The following RABEP1 variants were observed in gnomAD, a reference collection of about 807,000 sequenced individuals.
RABEP1 encodes rab GTPase-binding effector protein 1.
Under a neutral mutation model 123.4 loss-of-function variants are expected in RABEP1, and 51 were observed. The ratio of observed to expected loss-of-function variants is 0.41; its 90% CI spans 0.33 to 0.52. The LOEUF is 0.52. Among genes scored for constraint, RABEP1 ranks in the 20% least tolerant of loss-of-function variants. RABEP1 has a pLI of 0.16. For synonymous variants in RABEP1, 347 were observed against 355.2 expected, an observed-to-expected ratio of 0.98 and a Z score of 0.26; for missense variants, 888 against 996.3, an observed-to-expected ratio of 0.89 and a Z score of 1.46.
chr17:5,296,820 C>T (rs1475902696), intron 1 of RABEP1, among the ~76,000 whole-genome samples: 1 of 152,198 alleles, frequency 6.6e-6, no homozygotes, highest in Admixed American at 6.5e-5. Context: ...AGTCATGGCT[C>T]ACGGTAGCCT....
chr17:5,368,402 C>T lies in RABEP1; in HGVS notation c.1818C>T (p.Ser606=), dbSNP rs570395802. The T allele has an allele frequency of 7.3e-5, 118 of 1,613,560 alleles. 1 individual carries two copies. In the South Asian group the frequency reaches 1.1e-3, roughly 14 times the overall value. Residue 606 remains serine (S), a synonymous_variant, in exon 12 of 18, where the codon TCC becomes TCT. Transcript: ENST00000537505. ...CACTCGTCCTAAGAGCCCAGGCCTC[C>T]GAGATCTTACTTGAAGAGTTACAGC... ...ISALVLRAQA[S]EILLEELQQG...
At chr17:5,340,553 T>C (rs1214324378) in intron 5 of RABEP1, among the ~76,000 whole-genome samples, 1 of 150,822 alleles carries the variant, frequency 6.6e-6, no homozygotes, top group Non-Finnish European at 1.5e-5. Flanking sequence ...GCTAAAATGA[T>C]AGTTAAAATG....
Position 5,314,607 on chromosome 17 carries a change from C to T in RABEP1, c.163+5785C>T, listed in dbSNP as rs149102728. 2.0e-3 allele frequency among the ~76,000 whole-genome samples: 307 copies of T among 151,992 alleles called. 4 individuals are homozygous for T. Among genetic ancestry groups the T allele is most frequent in the East Asian group, 3.9e-3 (20 of 5,174 alleles). On this transcript the variant is annotated intron_variant, in intron 2 of 17. Transcript: ENST00000537505. ...GATCTCGGCTCACTGCAAGCTCCGCCTCCTGGCTTCACGCCATTCTCCTCC... is the reference window on the plus strand; with the variant it reads ...GATCTCGGCTCACTGCAAGCTCCGCTTCCTGGCTTCACGCCATTCTCCTCC...
intron 1 of RABEP1, among the ~76,000 whole-genome samples, chr17:5,308,385 C>G (rs2075201650): frequency 1.3e-5 from 2 of 152,248 alleles, no homozygotes; most frequent in South Asian, 4.1e-4. Context: ...GCCACTACAC[C>G]TGGCTAATTT....
At chr17:5,298,392 T>G (rs945681138) in intron 1 of RABEP1, among the ~76,000 whole-genome samples, 1 of 152,194 alleles carries the variant, frequency 6.6e-6, no homozygotes, top group Admixed American at 6.5e-5. Context: ...TTAGGCTTTT[T>G]TCTTGTAAAT....
At chr17:5,348,114 A>G (rs1908226785) in intron 6 of RABEP1, among the ~76,000 whole-genome samples, 1 of 152,006 alleles carries the variant, frequency 6.6e-6, no homozygotes, top group Admixed American at 6.6e-5. Context: ...AGTAGCTGGG[A>G]TTACAGGCAT....
chr17:5,315,708 C>T lies in RABEP1; in HGVS notation c.163+6886C>T, dbSNP rs530439224. 2.1e-4 allele frequency among the ~76,000 whole-genome samples: 32 copies of T among 152,118 alleles called. No individual in the cohort carries two copies. The South Asian group carries it at 3.3e-3, about 16-fold the overall frequency. On this transcript the variant is annotated intron_variant, in intron 2 of 17. Coordinates refer to ENST00000537505, the MANE Select transcript of RABEP1 (RefSeq NM_004703.6). The stretch of plus-strand genomic sequence containing the variant: ...TCTACTAAAAATACAAAAAACTAGC[C>T]GAGCATGGTGGTGCACATCTGTAAT...
chr17:5,385,919 A>C lies in RABEP1; in HGVS notation c.*2696A>C. 1 of 353,284 alleles carries C rather than the reference A, an allele frequency of 2.8e-6. No individual in the cohort carries two copies. Among genetic ancestry groups the C allele is most frequent in the Non-Finnish European group, 5.1e-6 (1 of 197,970 alleles). The allele number at this position is 353,284 out of a possible 1,614,324, so 21.9% of individuals were successfully genotyped here. On this transcript the variant is annotated 3_prime_UTR_variant, in exon 18 of 18. Coordinates refer to ENST00000537505, the MANE Select transcript of RABEP1 (RefSeq NM_004703.6). ...CTCACAAGAATAACTAACTTGCTCA[A>C]ATATGGAGAAAACTCAATAGGGTTC...
At chr17:5,283,014 C>T (rs771313449) in intron 1 of RABEP1, among the ~76,000 whole-genome samples, 5 of 152,028 alleles carry the variant, frequency 3.3e-5, no homozygotes, top group African/African-American at 4.8e-5. Flanking sequence ...TAGTAGCATT[C>T]CCTGAATGGC....
chr17:5,307,194 T>A (rs567824418), intron 1 of RABEP1, among the ~76,000 whole-genome samples: 21 of 152,298 alleles, frequency 1.4e-4, no homozygotes, highest in African/African-American at 4.6e-4. Flanking sequence ...GGCACATGCC[T>A]GTAGTCCCAG....
chr17:5,325,815 TTAAC>T (rs1313503230), intron 2 of RABEP1, among the ~76,000 whole-genome samples: 1 of 151,988 alleles, frequency 6.6e-6, no homozygotes, highest in Non-Finnish European at 1.5e-5. Context: ...CACATGTACT[TTAAC>T]TATGTACATG....
intron 15 of RABEP1, 137 bp downstream of exon 15, chr17:5,378,369 A>C: frequency 1.2e-6 from 1 of 801,320 alleles, no homozygotes. Context: ...TGGGAAGAAA[A>C]CCACGGGGTA....
chr17:5,381,267 T>C, intron 16 of RABEP1, 122 bp from the exon 17 acceptor site: 1 of 1,395,922 alleles, frequency 7.2e-7, no homozygotes, highest in Non-Finnish European at 9.6e-7. Flanking sequence ...TGGTCGTGTA[T>C]AGGAGTGCGA....
Position 5,361,523 on chromosome 17 carries a change from G to C in RABEP1, c.1411G>C (p.Asp471His). The part of the protein sequence containing the change: ...QMPSGFMLTK[D>H]QERAIKAMTP... ...GCCAAGTGGGTTTATGTTAACCAAA[G>C]ATCAGGAAAGAGCAATCAAGGCGAT... is the stretch of plus-strand genomic sequence containing the variant. Residue 471 changes from aspartate to histidine, a missense_variant, in exon 9 of 18, where the codon GAT becomes CAT. By Grantham distance (81) the Asp-to-His change is moderately conservative. Transcript: ENST00000537505. The C allele has an allele frequency of 6.2e-7, 1 of 1,614,174 alleles. No homozygotes were observed. The highest frequency in any genetic ancestry group is 8.5e-7 in the Non-Finnish European group (1 of 1,180,042).
chr17:5,300,874 C>A (rs1261647316), intron 1 of RABEP1, among the ~76,000 whole-genome samples: 5 of 152,104 alleles, frequency 3.3e-5, no homozygotes, highest in Admixed American at 3.3e-4. Flanking sequence ...GAGAGAGATT[C>A]TAGATGATTC....
rs1022161391 is a variant in RABEP1, at chr17:5,362,965, C to T, written c.1617C>T (p.Tyr539=). 1.5e-5 allele frequency: 24 copies of T among 1,613,832 alleles called. No homozygotes were observed. Among genetic ancestry groups the T allele is most frequent in the Middle Eastern group, 1.6e-4 (1 of 6,084 alleles). ...LGRRCDMCSN[Y]EKQLQGIQIQ... is the part of the protein sequence containing the mutation. ...GACGTTGTGATATGTGTTCCAATTACGAAAAACAGTTACAAGGAATTCAGA... is the reference window on the plus strand; with the variant it reads ...GACGTTGTGATATGTGTTCCAATTATGAAAAACAGTTACAAGGAATTCAGA... The change falls in exon 10 of 18, where the codon TAC becomes TAT. Residue 539 remains tyrosine (Y), a synonymous_variant. Transcript: ENST00000537505.
chr17:5,312,839 G>A (rs939509360), intron 2 of RABEP1, among the ~76,000 whole-genome samples: 1 of 152,124 alleles, frequency 6.6e-6, no homozygotes, highest in African/African-American at 2.4e-5. Context: ...AGGCACGGTC[G>A]CACATGCCTG....
intron 5 of RABEP1, among the ~76,000 whole-genome samples, chr17:5,341,053 G>A (rs1003873681): frequency 6.6e-6 from 1 of 151,796 alleles, no homozygotes; most frequent in East Asian, 1.9e-4. Context: ...TCAATATAAT[G>A]AAAAAATGGA....
At chr17:5,319,881 T>A (rs548980997) in intron 2 of RABEP1, among the ~76,000 whole-genome samples, 1 of 152,272 alleles carries the variant, frequency 6.6e-6, no homozygotes, top group Non-Finnish European at 1.5e-5. Context: ...CTACAGGATG[T>A]AGAAAATTAT....
Sources: gnomAD v4.1 joint callset for allele counts (sites outside exome capture counted in the v4.1 genomes callset) on GRCh38, gnomAD v4.1.1 for gene constraint, MANE v1.5 for transcripts, NCBI Gene and HGNC (gene_info 2026-07-23, HGNC 2026-07-21) for gene names.